IFT74: variants seen among roughly 807,000 people sequenced by gnomAD.
IFT74 encodes the protein intraflagellar transport 74.
Under a neutral mutation model 96.7 loss-of-function variants are expected in IFT74, and 92 were observed. The ratio of observed to expected loss-of-function variants is 0.95; its 90% CI spans 0.80 to 1.13. IFT74 has a LOEUF of 1.13. Among genes scored for constraint, IFT74 ranks in the 50% most tolerant of loss-of-function variants. The pLI, the probability that IFT74 is intolerant of heterozygous loss-of-function variation, is 0.00. For missense variants in IFT74, 811 were observed against 698.2 expected (o/e 1.16, Z -1.82); for synonymous variants, 223 against 213.2 (o/e 1.05, Z -0.40).
intron 19 of IFT74, among the ~76,000 whole-genome samples, chr9:27,061,489 C>G (rs976140617): frequency 1.3e-5 from 2 of 151,924 alleles, no homozygotes; most frequent in African/African-American, 4.8e-5. Context: ...GCCAACTTAG[C>G]CAGGCTGGTC....
chr9:26,959,503 G>A (rs1439208520), intron 1 of IFT74, among the ~76,000 whole-genome samples: 1 of 152,174 alleles, frequency 6.6e-6, no homozygotes, highest in Admixed American at 6.5e-5. Flanking sequence ...ATAAGTTTTT[G>A]AAGGTAGGAA....
chr9:26,974,931 G>A (rs1827042600), intron 2 of IFT74, among the ~76,000 whole-genome samples: 1 of 152,094 alleles, frequency 6.6e-6, no homozygotes, highest in Admixed American at 6.5e-5. Flanking sequence ...AGAGAGTCGG[G>A]GCTGACTCCT....
intron 2 of IFT74, among the ~76,000 whole-genome samples, chr9:26,962,926 ATTTTTT>A (rs370313745): frequency 7.3e-6 from 1 of 136,536 alleles, no homozygotes; most frequent in Non-Finnish European, 1.6e-5. Context: ...AACTTTACTA[ATTTTTT>A]TTTTTTTCTT....
At chr9:26,964,878 T>G (rs528178742) in intron 2 of IFT74, among the ~76,000 whole-genome samples, 1 of 152,258 alleles carries the variant, frequency 6.6e-6, no homozygotes, top group Middle Eastern at 3.4e-3. Flanking sequence ...GAGCTTAATA[T>G]AAGAGAGTGT....
chr9:26,958,384 T>C (rs184273094), intron 1 of IFT74, among the ~76,000 whole-genome samples: 1 of 152,212 alleles, frequency 6.6e-6, no homozygotes, highest in Admixed American at 6.5e-5. Context: ...GAGAAAGTAA[T>C]AGGCAAAATG....
intron 2 of IFT74, among the ~76,000 whole-genome samples, chr9:26,972,308 T>C (rs773193960): frequency 1.1e-4 from 17 of 152,228 alleles, no homozygotes; most frequent in Admixed American, 6.5e-4. Context: ...GCTTACTGTC[T>C]ATTTTCCTCC....
chr9:27,025,660 A>G (rs1052033618), intron 12 of IFT74, among the ~76,000 whole-genome samples: 1 of 152,128 alleles, frequency 6.6e-6, no homozygotes, highest in African/African-American at 2.4e-5. Context: ...AAACCCTACA[A>G]GCTAGAAGGA....
chr9:27,040,932 TC>T (rs1259023876), intron 13 of IFT74, among the ~76,000 whole-genome samples: 1 of 152,118 alleles, frequency 6.6e-6, no homozygotes, highest in Admixed American at 6.6e-5. Context: ...GGGGTGAACT[TC>T]CCTTGCAGTG....
In IFT74 at chr9:26,984,319, A is replaced by G. The variant is rs774514441; in HGVS notation, c.368A>G (p.Asn123Ser). 17 of 1,583,904 alleles carry G rather than the reference A, an allele frequency of 1.1e-5. No individual in the cohort carries two copies. The Middle Eastern group carries it at 1.0e-3, about 94-fold the overall frequency. The change falls in exon 5 of 20, where the codon AAT (asparagine) becomes AGT (serine). Residue 123 changes from asparagine (N) to serine (S), a missense_variant. Coordinates refer to ENST00000380062, the MANE Select transcript of IFT74 (RefSeq NM_025103.4). ...CTTCAGAAGGGAATAGAAATGTACA[A>G]TCAAGAGAATTCAGTATATTTGTCA... ...NKLQKGIEMY[N>S]QENSVYLSYE...
At chr9:27,011,228 G>A (rs1475912019) in intron 9 of IFT74, among the ~76,000 whole-genome samples, 1 of 152,090 alleles carries the variant, frequency 6.6e-6, no homozygotes, top group Non-Finnish European at 1.5e-5. Flanking sequence ...CTCCAGCCTG[G>A]GCAACAGAGC....
chr9:26,975,987 T>C (rs1827102931), intron 2 of IFT74, among the ~76,000 whole-genome samples: 1 of 152,232 alleles, frequency 6.6e-6, no homozygotes, highest in African/African-American at 2.4e-5. Context: ...ATCATCTACA[T>C]ACACTTTTAT....
At chr9:27,001,337 C>A (rs1352563458) in intron 8 of IFT74, among the ~76,000 whole-genome samples, 1 of 151,990 alleles carries the variant, frequency 6.6e-6, no homozygotes, top group Non-Finnish European at 1.5e-5. Context: ...ATTACTGGAT[C>A]AAATGTAAAT....
chr9:26,986,654 G>A (rs1036966606), intron 6 of IFT74, among the ~76,000 whole-genome samples: 1 of 151,920 alleles, frequency 6.6e-6, no homozygotes, highest in South Asian at 2.1e-4. Flanking sequence ...ATAGGGTCTT[G>A]CTCTGTTGCT....
At chr9:27,052,843 T>G (rs1023447399) in intron 16 of IFT74, among the ~76,000 whole-genome samples, 1 of 152,154 alleles carries the variant, frequency 6.6e-6, no homozygotes, top group African/African-American at 2.4e-5. Flanking sequence ...ATAGAATGGA[T>G]TTAGTGTACT....
In IFT74 at chr9:27,038,128, G is replaced by T. The variant is rs142883178; in HGVS notation, c.1055-6614G>T. Reference sequence around the variant, plus strand: ...GCTTTACAATTGCAAATGTAGTTGTGCTTTTTACAGAGGCTGTAGATGCCC... The same window carrying T: ...GCTTTACAATTGCAAATGTAGTTGTTCTTTTTACAGAGGCTGTAGATGCCC... On this transcript the variant is annotated intron_variant, in intron 13 of 19. Coordinates refer to ENST00000380062, the MANE Select transcript of IFT74 (RefSeq NM_025103.4). 5.8e-4 allele frequency among the ~76,000 whole-genome samples: 88 copies of T among 152,276 alleles called. 1 individual carries two copies. The East Asian group carries it at 0.016, about 28-fold the overall frequency.
chr9:27,018,762 G>T (rs907634587), intron 12 of IFT74, 75 bp downstream of exon 12: 3 of 842,284 alleles, frequency 3.6e-6, no homozygotes, highest in African/African-American at 3.4e-5. Flanking sequence ...TACAGGAGTG[G>T]CTTTCATTCT....
intron 3 of IFT74, among the ~76,000 whole-genome samples, chr9:26,979,871 C>A (rs1827292940): frequency 6.6e-6 from 1 of 151,794 alleles, no homozygotes; most frequent in Admixed American, 6.6e-5. Context: ...TGCCACAATG[C>A]CCAGCTAATT....
At chr9:26,976,552 G>A (rs1002030656) in intron 2 of IFT74, 2 of 330,886 alleles carry the variant, frequency 6.0e-6, no homozygotes, top group South Asian at 2.5e-5. Flanking sequence ...ATGGGAGAGA[G>A]GGGAGAGGAG....
chr9:26,995,312 G>A, intron 8 of IFT74: 1 of 470,930 alleles, frequency 2.1e-6, no homozygotes, highest in Non-Finnish European at 3.9e-6. Flanking sequence ...TGTAGACTAT[G>A]TAACTGTCAA....
Sources: gnomAD v4.1 joint callset for allele counts (sites outside exome capture counted in the v4.1 genomes callset) on GRCh38, gnomAD v4.1.1 for gene constraint, MANE v1.5 for transcripts, NCBI Gene and HGNC (gene_info 2026-07-23, HGNC 2026-07-21) for gene names.